OSBPL10: variants seen among roughly 807,000 people sequenced by gnomAD.
OSBPL10 encodes the protein oxysterol binding protein like 10.
Under a neutral mutation model 81.7 loss-of-function variants are expected in OSBPL10, and 49 were observed. That is an observed-to-expected ratio of 0.60 (90% CI 0.48 to 0.76). The LOEUF (loss-of-function observed/expected upper bound fraction) is 0.76, where lower values mean the gene tolerates loss of function less well. Among genes scored for constraint, OSBPL10 ranks in the 30% least tolerant of loss-of-function variants. OSBPL10 has a pLI of 0.00. For synonymous variants in OSBPL10, 419 were observed against 383.6 expected, an observed-to-expected ratio of 1.09 and a Z score of -1.08; for missense variants, 923 against 987.8, an observed-to-expected ratio of 0.93 and a Z score of 0.88.
chr3:32,059,929 C>A (rs555124986), intron 1 of OSBPL10, among the ~76,000 whole-genome samples: 196 of 151,864 alleles, frequency 1.3e-3, no homozygotes, highest in Non-Finnish European at 2.3e-3. Flanking sequence ...AGAAAAAAAA[C>A]AGGCTAAATT....
chr3:31,738,419 C>T (rs1440303145), intron 5 of OSBPL10, among the ~76,000 whole-genome samples: 2 of 150,506 alleles, frequency 1.3e-5, no homozygotes, highest in Non-Finnish European at 3.0e-5. Flanking sequence ...TTGAATTTTG[C>T]GACAACACTA....
chr3:31,825,639 C>T (rs1700082390), intron 4 of OSBPL10, among the ~76,000 whole-genome samples: 1 of 152,122 alleles, frequency 6.6e-6, no homozygotes, highest in Non-Finnish European at 1.5e-5. Context: ...TTACTCAATG[C>T]AATAAATGAC....
chr3:32,053,520 T>C (rs533349470), intron 1 of OSBPL10, among the ~76,000 whole-genome samples: 1 of 152,310 alleles, frequency 6.6e-6, no homozygotes, highest in East Asian at 1.9e-4. Flanking sequence ...TTGTAAAGGG[T>C]TATCAAAGGT....
At chr3:31,761,043 T>G (rs988947643) in intron 4 of OSBPL10, among the ~76,000 whole-genome samples, 4 of 152,228 alleles carry the variant, frequency 2.6e-5, no homozygotes, top group Admixed American at 6.5e-5. Flanking sequence ...CTCAGTCGTG[T>G]GTGAGCTGTC....
At chr3:31,882,136 C>T (rs1474212220) in intron 1 of OSBPL10, among the ~76,000 whole-genome samples, 1 of 152,198 alleles carries the variant, frequency 6.6e-6, no homozygotes, top group Non-Finnish European at 1.5e-5. Flanking sequence ...GGCAAGGGAG[C>T]AAGTCGCAGC....
At chr3:32,073,898 G>A (rs923460415) in intron 1 of OSBPL10, among the ~76,000 whole-genome samples, 3 of 151,948 alleles carry the variant, frequency 2.0e-5, no homozygotes, top group Non-Finnish European at 4.4e-5. Flanking sequence ...CAATACTTCC[G>A]CCCTGATGAA....
chr3:31,859,858 C>T (rs1465283811), intron 3 of OSBPL10, among the ~76,000 whole-genome samples: 2 of 152,184 alleles, frequency 1.3e-5, no homozygotes, highest in Non-Finnish European at 2.9e-5. Context: ...CACATTTCTG[C>T]TTAGGAAGGC....
intron 7 of OSBPL10, among the ~76,000 whole-genome samples, chr3:31,693,381 T>C (rs1369103659): frequency 6.6e-6 from 1 of 152,260 alleles, no homozygotes; most frequent in Non-Finnish European, 1.5e-5. Context: ...ATGTTCACTA[T>C]ATCATCACCT....
intron 6 of OSBPL10, among the ~76,000 whole-genome samples, chr3:31,705,692 C>T (rs781070607): frequency 3.0e-4 from 46 of 152,158 alleles, no homozygotes; most frequent in Non-Finnish European, 5.4e-4. Flanking sequence ...ATCAGGTCCC[C>T]GTGCTTATCC....
At chr3:31,876,662 C>G (rs1701480723) in intron 2 of OSBPL10, 150 bp from the exon 3 acceptor site, 3 of 643,034 alleles carry the variant, frequency 4.7e-6, no homozygotes, top group East Asian at 2.8e-5. Context: ...ACAACGTTCT[C>G]AAGCGGCCTG....
intron 2 of OSBPL10, among the ~76,000 whole-genome samples, chr3:32,014,868 C>T (rs1056186453): frequency 2.6e-5 from 4 of 152,122 alleles, no homozygotes; most frequent in Admixed American, 1.3e-4. Context: ...GAATAAAATA[C>T]CTAGGAATCC....
chr3:31,975,277 A>G (rs966709233), intron 1 of OSBPL10, among the ~76,000 whole-genome samples: 1 of 152,190 alleles, frequency 6.6e-6, no homozygotes, highest in Non-Finnish European at 1.5e-5. Context: ...CTGGCAGACT[A>G]CACAGGAAGA....
In OSBPL10 at chr3:31,679,968, G is replaced by A. The variant is rs79047738; in HGVS notation, c.1726+3666C>T. Among the ~76,000 whole-genome samples, 2,229 of 152,176 alleles carry A rather than the reference G, an allele frequency of 0.015. 234 individuals are homozygous for A. In the East Asian group the frequency reaches 0.29, roughly 20 times the overall value. On this transcript the variant is annotated intron_variant, in intron 8 of 11. Coordinates refer to ENST00000396556, the MANE Select transcript of OSBPL10 (RefSeq NM_017784.5). ...GAAGAGTTACCCGAGTATTCTAACC[G>A]GAGCTCTTAGTTCACACAACTTCAA...
chr3:31,897,713 TAAG>T (rs1696097069), intron 1 of OSBPL10, among the ~76,000 whole-genome samples: 1 of 152,074 alleles, frequency 6.6e-6, no homozygotes, highest in African/African-American at 2.4e-5. Flanking sequence ...ACTGGATGTA[TAAG>T]AAGAGAAACG....
rs763645083 is a variant in OSBPL10, at chr3:32,038,112, G to A, written n.298+8379C>T. Among the ~76,000 whole-genome samples, 90 of 152,144 alleles carry A rather than the reference G, an allele frequency of 5.9e-4. 1 individual carries two copies. Among genetic ancestry groups the A allele is most frequent in the Admixed American group, 1.1e-3 (17 of 15,266 alleles). ...AAAGTATGGCTTTCCACAGTCTTAG[G>A]AGGAAGCTACATGAGTCCAGGGAAA... On this transcript the variant is annotated intron_variant and non_coding_transcript_variant, in intron 2 of 3. Coordinates refer to the OSBPL10 transcript ENST00000479173.
chr3:31,713,490 G>A (rs372267714), intron 6 of OSBPL10, among the ~76,000 whole-genome samples: 30 of 151,668 alleles, frequency 2.0e-4, no homozygotes, highest in Non-Finnish European at 4.1e-4. Context: ...TTCCCCTCCC[G>A]GGCTTAAGCA....
chr3:31,755,706 A>C (rs1053534650), intron 4 of OSBPL10, among the ~76,000 whole-genome samples: 4 of 152,180 alleles, frequency 2.6e-5, no homozygotes, highest in African/African-American at 4.8e-5. Flanking sequence ...CAACCCAAAG[A>C]CCCAGAACAT....
intron 2 of OSBPL10, among the ~76,000 whole-genome samples, chr3:32,041,629 C>T (rs1053217956): frequency 1.1e-5 from 1 of 92,944 alleles, no homozygotes; most frequent in Non-Finnish European, 3.0e-5. Context: ...GAGTTTCTTT[C>T]TTTCTTTCTC....
At position 31,863,770 on chromosome 3, in the gene OSBPL10, A is replaced by G. The variant is rs142082017; in HGVS notation, c.537+12663T>C. Among the ~76,000 whole-genome samples, 1,370 of 152,300 alleles carry G rather than the reference A, an allele frequency of 9.0e-3. 20 individuals are homozygous for G. The highest frequency in any genetic ancestry group is 0.031 in the African/African-American group (1,281 of 41,546). On this transcript the variant is annotated intron_variant, in intron 3 of 11. Transcript: ENST00000396556. ...TGTTACTCATGACTGATTTTCAGCT[A>G]CTGGTTAATAGTTCTCTCTCTATAA...
Sources: gnomAD v4.1 joint callset for allele counts (sites outside exome capture counted in the v4.1 genomes callset) on GRCh38, gnomAD v4.1.1 for gene constraint, MANE v1.5 for transcripts, NCBI Gene and HGNC (gene_info 2026-07-23, HGNC 2026-07-21) for gene names.